Variants in SET observed in about 807,000 individuals in gnomAD.
SET encodes SET nuclear proto-oncogene, also known as protein SET.
SET carries 4 observed loss-of-function variants against 39.0 expected under a neutral mutation model. The ratio of observed to expected loss-of-function variants is 0.10; its 90% CI spans 0.05 to 0.23. The LOEUF is 0.23. SET is among the 10% of genes least tolerant of loss of function. The pLI is 1.00. For missense variants in SET, 137 were observed against 329.7 expected, an observed-to-expected ratio of 0.42 and a Z score of 4.53; for synonymous variants, 114 against 115.9, an observed-to-expected ratio of 0.98 and a Z score of 0.11.
intron 1 of SET, chr9:128,690,802 T>C (rs1483747997): frequency 8.9e-6 from 2 of 225,244 alleles, no homozygotes; most frequent in Non-Finnish European, 1.8e-5. Context: ...CATATTCTAG[T>C]TAGCAGCTGC....
rs757108041 is a variant in SET at position 128,691,818 on chromosome 9, A to G, written c.132-40A>G. On this transcript the variant is annotated intron_variant, in intron 2 of 7. Coordinates refer to ENST00000322030, the MANE Select transcript of SET (RefSeq NM_003011.4). ...ATCTCAACCAATTTTTTAATTTGTT[A>G]AATACTATCATTGTCAACATCTCTT... The G allele has an allele frequency of 7.0e-6, 11 of 1,571,814 alleles. No homozygotes were observed. The African/African-American group carries it at 1.2e-4, about 18-fold the overall frequency.
chr9:128,684,985 G>A, upstream of SET: 1 of 1,425,738 alleles, frequency 7.0e-7, no homozygotes, highest in East Asian at 2.5e-5. Context: ...TCATAGGGGA[G>A]GGTTGTGGTG....
upstream of SET, among the ~76,000 whole-genome samples, chr9:128,687,817 T>A (rs1861340468): frequency 1.3e-5 from 2 of 152,148 alleles, no homozygotes; most frequent in Admixed American, 1.3e-4. Flanking sequence ...CTGGAATTCC[T>A]GGGCCCAAGC....
At chr9:128,694,124 T>C in intron 7 of SET, 82 bp downstream of exon 7, 1 of 824,374 alleles carries the variant, frequency 1.2e-6, no homozygotes, top group Non-Finnish European at 1.7e-6. Context: ...ATATATATAG[T>C]GTGGTAGAAC....
At chr9:128,692,360 T>C in intron 3 of SET, 1 of 255,504 alleles carries the variant, frequency 3.9e-6, no homozygotes, top group Non-Finnish European at 7.1e-6. Flanking sequence ...TTGTGCGCTT[T>C]TGCATTCCAG....
chr9:128,688,817 A>G (rs530713304), upstream of SET, among the ~76,000 whole-genome samples: 465 of 152,250 alleles, frequency 3.1e-3, 2 homozygotes, highest in Admixed American at 8.8e-3. Context: ...AGGCGCCGAG[A>G]GGCCGGGCGG....
At chr9:128,694,371 T>C (rs1367368442) in intron 7 of SET, among the ~76,000 whole-genome samples, 1 of 152,310 alleles carries the variant, frequency 6.6e-6, no homozygotes, top group Middle Eastern at 3.4e-3. Flanking sequence ...TTCATGTATT[T>C]TCGACAAACT....
intron 3 of SET, chr9:128,692,397 CA>C (rs58637669): frequency 0.024 from 1,850 of 75,894 alleles, 7 homozygotes; most frequent in South Asian, 0.06. Flanking sequence ...GAGACTGTTT[CA>C]AAAAAAAAAA....
chr9:128,685,096 G>A, upstream of SET: 1 of 1,547,914 alleles, frequency 6.5e-7, no homozygotes, highest in Non-Finnish European at 8.7e-7. Context: ...AAGCACTGAG[G>A]AGGAGTCCTA....
At chr9:128,686,099 G>A (rs1192299640), upstream of SET, among the ~76,000 whole-genome samples, 2 of 152,038 alleles carry the variant, frequency 1.3e-5, no homozygotes, top group African/African-American at 4.8e-5. Flanking sequence ...AGTGAGGGGA[G>A]AGGCCAAGAA....
In SET at chr9:128,695,527, A is replaced by G; in HGVS notation, c.*863A>G. 1 of 223,768 alleles carries G rather than the reference A, an allele frequency of 4.5e-6. No individual in the cohort carries two copies. Among genetic ancestry groups the G allele is most frequent in the African/African-American group, 2.2e-5 (1 of 45,070 alleles). 13.9% of individuals were successfully genotyped at this position (223,768 alleles called of 1,614,324 possible). A position where few individuals can be genotyped will look rare whatever the true frequency, so the allele number is the denominator to read the frequency against. On this transcript the variant is annotated 3_prime_UTR_variant, in exon 8 of 8. Transcript: ENST00000322030. ...TTTGTTACAATAAAACTAAATGTGT[A>G]CACAAAGGATTTGATGCTTTTCTCT...
chr9:128,694,021 T>A lies in SET; in HGVS notation c.789T>A (p.Asp263Glu). 6.5e-7 allele frequency: 1 copy of A among 1,532,038 alleles called. No individual in the cohort carries two copies. Among genetic ancestry groups the A allele is most frequent in the Non-Finnish European group, 8.9e-7 (1 of 1,124,662 alleles). The allele number at this position is 1,532,038 out of a possible 1,614,324, so 94.9% of individuals were successfully genotyped here. A position where few individuals can be genotyped will look rare whatever the true frequency, so the allele number is the denominator to read the frequency against. ...DEDEGEEDEDDDEGEEGEEDE... is the reference protein window; with the variant it reads ...DEDEGEEDEDEDEGEEGEEDE... The stretch of plus-strand genomic sequence containing the variant: ...ATGAAGGTGAAGAAGATGAAGATGA[T>A]GATGAAGGGGAGGAAGGAGAGGTAA... The change falls in exon 7 of 8, where the codon GAT (aspartate) becomes GAA (glutamate). Residue 263 changes from aspartate to glutamate, a missense_variant. By Grantham distance (45) the Asp-to-Glu change is conservative. Around this residue, in one of 3 missense-constraint regions of SET, gnomAD observed 44 missense variants for 63.0 expected, o/e 0.70. Coordinates refer to ENST00000322030, the MANE Select transcript of SET (RefSeq NM_003011.4).
At chr9:128,690,055 C>A (rs1589455731) in intron 1 of SET, 1 of 959,446 alleles carries the variant, frequency 1.0e-6, no homozygotes, top group Non-Finnish European at 1.2e-6. Flanking sequence ...CCGCGCCCGA[C>A]CTCCCGCGCG....
upstream of SET, chr9:128,685,117 C>T: frequency 6.4e-7 from 1 of 1,559,214 alleles, no homozygotes; most frequent in East Asian, 2.4e-5. Context: ...CCTCAGGGCT[C>T]AGTGTGGACC....
At chr9:128,687,435 T>A (rs1251959780), upstream of SET, among the ~76,000 whole-genome samples, 1 of 151,978 alleles carries the variant, frequency 6.6e-6, no homozygotes, top group African/African-American at 2.4e-5. Context: ...GGTGAAAACC[T>A]GTCTCTACCA....
Position 128,689,486 on chromosome 9 carries a change from G to T in SET, c.-97G>T. On this transcript the variant is annotated 5_prime_UTR_variant, in exon 1 of 8. Coordinates refer to ENST00000322030, the MANE Select transcript of SET (RefSeq NM_003011.4). ...GAGGAGGCGGCCGGACCGAGCGGGC[G>T]CCCGCGCGTGTGGCGTGAGGGGAAG... 1.5e-6 allele frequency: 1 copy of T among 649,252 alleles called. No individual in the cohort carries two copies. 40.2% of individuals were successfully genotyped at this position (649,252 alleles called of 1,614,324 possible).
chr9:128,692,030 A>C (rs1446765764), intron 3 of SET, 30 bp downstream of exon 3: 1 of 1,608,118 alleles, frequency 6.2e-7, no homozygotes. Context: ...TTGTTAAAGG[A>C]TAAACAGTGT....
At chr9:128,684,983 G>A, upstream of SET, 1 of 1,420,304 alleles carries the variant, frequency 7.0e-7, no homozygotes, top group Non-Finnish European at 9.2e-7. Flanking sequence ...GCTCATAGGG[G>A]AGGGTTGTGG....
chr9:128,694,009 A>T lies in SET; in HGVS notation c.777A>T (p.Glu259Asp), dbSNP rs1861637456. The change falls in exon 7 of 8, where the codon GAA becomes GAT. Residue 259 changes from glutamate to aspartate, a missense_variant. Glu to Asp is a conservative substitution (Grantham distance 45). This residue lies in a region of SET where 44 missense variants were observed against 63.0 expected (regional missense o/e 0.70). Transcript: ENST00000322030. ...AAGGGGATGAGGATGAAGGTGAAGA[A>T]GATGAAGATGATGATGAAGGGGAGG... ...DEEGDEDEGE[E>D]DEDDDEGEEG... 3.2e-6 allele frequency: 5 copies of T among 1,542,066 alleles called. No homozygotes were observed. The highest frequency in any genetic ancestry group is 1.4e-5 in the African/African-American group (1 of 73,146).
Sources: gnomAD v4.1 joint callset for allele counts (sites outside exome capture counted in the v4.1 genomes callset) on GRCh38, gnomAD v4.1.1 for gene constraint, gnomAD v4.1.1 regional missense constraint, MANE v1.5 for transcripts, NCBI Gene and HGNC (gene_info 2026-07-23, HGNC 2026-07-21) for gene names.